RPS6KA2: variants seen among roughly 807,000 people sequenced by gnomAD.
The protein encoded by RPS6KA2 is ribosomal protein S6 kinase A2.
Under a neutral mutation model 91.8 loss-of-function variants are expected in RPS6KA2, and 42 were observed. That is an observed-to-expected ratio of 0.46 (90% CI 0.36 to 0.59). RPS6KA2 has a LOEUF of 0.59. Ranked by LOEUF, RPS6KA2 falls within the 20% of genes least tolerant of loss-of-function variation. The pLI is 0.00. For synonymous variants in RPS6KA2, 414 were observed against 393.6 expected, an observed-to-expected ratio of 1.05 and a Z score of -0.61; for missense variants, 798 against 978.5, an observed-to-expected ratio of 0.82 and a Z score of 2.46.
intron 1 of RPS6KA2, among the ~76,000 whole-genome samples, chr6:166,539,399 T>C (rs1783584743): frequency 6.6e-6 from 1 of 152,212 alleles, no homozygotes; most frequent in Non-Finnish European, 1.5e-5. Flanking sequence ...GAAGTTCTGG[T>C]ACGATGAATA....
upstream of RPS6KA2, chr6:166,627,301 A>T: frequency 1.8e-5 from 15 of 843,564 alleles, no homozygotes; most frequent in Non-Finnish European, 2.1e-5. Flanking sequence ...CACCACTACC[A>T]CCAATCAGCG....
At chr6:166,453,232 A>C (rs7764978) in intron 12 of RPS6KA2, among the ~76,000 whole-genome samples, 5,613 of 94,134 alleles carry the variant, frequency 0.06, 117 homozygotes, top group Middle Eastern at 0.15. Flanking sequence ...CACACACACA[A>C]AAAGGCTTTA....
intron 2 of RPS6KA2, among the ~76,000 whole-genome samples, chr6:166,808,889 A>C (rs73788147): frequency 0.015 from 2,302 of 152,340 alleles, 42 homozygotes; most frequent in African/African-American, 0.051. Flanking sequence ...GCTTGGATGA[A>C]TAAAGGTCCA....
chr6:166,484,705 A>C (rs543644848), intron 10 of RPS6KA2, among the ~76,000 whole-genome samples: 1 of 152,352 alleles, frequency 6.6e-6, no homozygotes, highest in East Asian at 1.9e-4. Flanking sequence ...TCCTGACAGC[A>C]GTAGTTCAGC....
chr6:166,628,672 T>C (rs1423376368), upstream of RPS6KA2, among the ~76,000 whole-genome samples: 4 of 152,240 alleles, frequency 2.6e-5, no homozygotes, highest in Admixed American at 2.6e-4. Flanking sequence ...ACCACGACTC[T>C]GGCGCTGCCC....
intron 2 of RPS6KA2, among the ~76,000 whole-genome samples, chr6:166,744,948 C>T (rs1790945593): frequency 6.6e-6 from 1 of 152,090 alleles, no homozygotes; most frequent in Admixed American, 6.5e-5. Context: ...TGAGTCAGCT[C>T]AGGCTGCGTA....
chr6:166,577,850 A>G (rs1437480718), intron 1 of RPS6KA2, among the ~76,000 whole-genome samples: 2 of 152,138 alleles, frequency 1.3e-5, no homozygotes, highest in Non-Finnish European at 2.9e-5. Flanking sequence ...TCTCCATCCA[A>G]ATCTCATCTT....
intron 1 of RPS6KA2, among the ~76,000 whole-genome samples, chr6:166,549,712 G>A (rs1317379720): frequency 1.3e-5 from 2 of 152,268 alleles, no homozygotes; most frequent in East Asian, 3.9e-4. Context: ...CGATGGGACA[G>A]TTCTGTATCT....
At chr6:166,654,997 G>T (rs1400939328) in intron 2 of RPS6KA2, among the ~76,000 whole-genome samples, 1 of 152,138 alleles carries the variant, frequency 6.6e-6, no homozygotes, top group African/African-American at 2.4e-5. Flanking sequence ...AAGGCTGAGG[G>T]TGGGGGAAGA....
chr6:166,643,141 C>T (rs1787496693), intron 2 of RPS6KA2, among the ~76,000 whole-genome samples: 2 of 152,156 alleles, frequency 1.3e-5, no homozygotes, highest in Admixed American at 6.5e-5. Context: ...TTCCAATATC[C>T]ACCAACTCTT....
Position 166,430,602 on chromosome 6 carries a change from C to A in RPS6KA2, c.1432G>T (p.Asp478Tyr). The A allele has an allele frequency of 6.2e-7, 1 of 1,612,896 alleles. No homozygotes were observed. The highest frequency in any genetic ancestry group is 1.1e-5 in the South Asian group (1 of 90,938). The change falls in exon 16 of 21, where the codon GAT (aspartate) becomes TAT (tyrosine). Residue 478 changes from aspartate to tyrosine, a missense_variant. By Grantham distance (160) the Asp-to-Tyr change is radical. Coordinates refer to ENST00000265678, the MANE Select transcript of RPS6KA2 (RefSeq NM_021135.6). ...ATTACCAGGTACACAAACTTGCCAT[C>A]ATCATAGACCTGCGGAGTGGAGAAG... is the stretch of plus-strand genomic sequence containing the variant. ...NIITLKDVYD[D>Y]GKFVYLVMEL...
chr6:166,588,380 T>G (rs1464769635), intron 1 of RPS6KA2, among the ~76,000 whole-genome samples: 1 of 146,188 alleles, frequency 6.8e-6, no homozygotes, highest in Non-Finnish European at 1.5e-5. Context: ...GCAGAAAAAA[T>G]GAGGGGTGGC....
rs556563375 is a variant in RPS6KA2, at chr6:166,533,589, C to T, written c.217-2276G>A. 5.3e-5 allele frequency among the ~76,000 whole-genome samples: 8 copies of T among 152,310 alleles called. No individual in the cohort carries two copies. The highest frequency in any genetic ancestry group is 1.9e-4 in the African/African-American group (8 of 41,564). Reference sequence around the variant, plus strand: ...GAGCAGGTGCAAAACGTTCCAGCTGCCACTCCCTGCTGTGGCAACTGAGGA... The same window carrying T: ...GAGCAGGTGCAAAACGTTCCAGCTGTCACTCCCTGCTGTGGCAACTGAGGA... On this transcript the variant is annotated intron_variant, in intron 2 of 20. Transcript: ENST00000265678. This position sits in a 1 kb window ranked among gnomAD's most constrained non-coding sequence, Gnocchi z 4.0.
intron 12 of RPS6KA2, among the ~76,000 whole-genome samples, chr6:166,455,405 C>T (rs1780068047): frequency 1.3e-5 from 2 of 152,038 alleles, no homozygotes; most frequent in South Asian, 2.1e-4. Flanking sequence ...GGGTAGGAAG[C>T]GTCATGGACC....
rs367966610 is a variant in RPS6KA2, at chr6:166,490,789, C to T, written c.748-48G>A. On this transcript the variant is annotated intron_variant, in intron 8 of 20. Transcript: ENST00000265678. The surrounding 1 kb of genome is among the most constrained non-coding windows in gnomAD (Gnocchi z 4.2). ...GTGAGTTCATTCATCCAGATGGACCCGGCTTCACGGCAGAGTACCCCAGCA... is the reference window on the plus strand; with the variant it reads ...GTGAGTTCATTCATCCAGATGGACCTGGCTTCACGGCAGAGTACCCCAGCA... 13 of 1,435,922 alleles carry T rather than the reference C, an allele frequency of 9.1e-6. No individual in the cohort carries two copies. The highest frequency in any genetic ancestry group is 1.7e-4 in the Middle Eastern group (1 of 5,738). The allele number at this position is 1,435,922 out of a possible 1,614,324, so 88.9% of individuals were successfully genotyped here. A position where few individuals can be genotyped will look rare whatever the true frequency, so the allele number is the denominator to read the frequency against.
At chr6:166,628,960 A>T (rs912598213), upstream of RPS6KA2, among the ~76,000 whole-genome samples, 1 of 152,230 alleles carries the variant, frequency 6.6e-6, no homozygotes, top group Non-Finnish European at 1.5e-5. Context: ...ATGGTGTGCC[A>T]GTTAAGTGCC....
chr6:166,824,231 A>C (rs192913989), intron 2 of RPS6KA2, among the ~76,000 whole-genome samples: 2 of 152,312 alleles, frequency 1.3e-5, no homozygotes, highest in East Asian at 3.9e-4. Flanking sequence ...TGAATGAATG[A>C]AGGGAGGCAG....
At chr6:166,738,377 TC>T (rs1790725789) in intron 2 of RPS6KA2, among the ~76,000 whole-genome samples, 1 of 152,046 alleles carries the variant, frequency 6.6e-6, no homozygotes, top group Admixed American at 6.6e-5. Flanking sequence ...AAGGAAGGCC[TC>T]GGGGGGATGG....
chr6:166,576,665 G>A (rs182740478), intron 1 of RPS6KA2, among the ~76,000 whole-genome samples: 456 of 152,300 alleles, frequency 3.0e-3, no homozygotes, highest in African/African-American at 9.9e-3. Flanking sequence ...GGTGACTTGG[G>A]TGCTGTTGAA....
Sources: allele counts gnomAD v4.1 joint callset (sites outside exome capture counted in the v4.1 genomes callset), GRCh38; gene constraint gnomAD v4.1.1; non-coding constraint Gnocchi (gnomAD v3.1); transcripts MANE v1.5; gene names NCBI Gene and HGNC (gene_info 2026-07-23, HGNC 2026-07-21).